ARHGAP17: variants seen among roughly 807,000 people sequenced by gnomAD.
The protein encoded by ARHGAP17 is rho GTPase-activating protein 17.
In ARHGAP17, 57 loss-of-function variants were observed where a neutral mutation model predicts 99.5. The observed-to-expected ratio is 0.57, with a 90% CI of 0.46 to 0.71. ARHGAP17 has a LOEUF of 0.71. ARHGAP17 is among the 30% of genes least tolerant of loss of function. ARHGAP17 has a pLI of 0.00. For synonymous variants in ARHGAP17, 417 were observed against 429.6 expected (o/e 0.97, Z 0.36); for missense variants, 1,000 against 1,122.4 (o/e 0.89, Z 1.56).
intron 2 of ARHGAP17, among the ~76,000 whole-genome samples, chr16:24,978,165 A>G (rs1377649468): frequency 6.6e-6 from 1 of 152,158 alleles, no homozygotes; most frequent in Non-Finnish European, 1.5e-5. Context: ...ATCCACATTC[A>G]TTTGCCACCA....
chr16:24,998,783 A>G (rs1007256983), intron 1 of ARHGAP17, among the ~76,000 whole-genome samples: 3 of 152,292 alleles, frequency 2.0e-5, no homozygotes, highest in East Asian at 1.9e-4. Context: ...GAATCAGGCT[A>G]TTATTCCGCA....
intron 1 of ARHGAP17, among the ~76,000 whole-genome samples, chr16:25,002,902 G>A (rs1286251490): frequency 6.6e-6 from 1 of 151,994 alleles, no homozygotes; most frequent in Non-Finnish European, 1.5e-5. Context: ...AGCCAGGTGT[G>A]GTGGTGGGCA....
chr16:24,984,998 T>C (rs2052815306), intron 1 of ARHGAP17, among the ~76,000 whole-genome samples: 1 of 152,180 alleles, frequency 6.6e-6, no homozygotes. Context: ...AAGGGTACTG[T>C]TACGAATTTG....
chr16:24,977,312 C>A lies in ARHGAP17; in HGVS notation c.101G>T (p.Arg34Ile). 3 of 1,582,376 alleles carry A rather than the reference C, an allele frequency of 1.9e-6. No homozygotes were observed. The highest frequency in any genetic ancestry group is 1.7e-6 in the Non-Finnish European group (2 of 1,157,588). Residue 34 changes from arginine (R) to isoleucine (I), a missense_variant, in exon 3 of 20, where the codon AGA becomes ATA. Arg to Ile is a moderately conservative substitution (Grantham distance 97). Around this residue, in one of 2 missense-constraint regions of ARHGAP17, gnomAD observed 472 missense variants for 611.1 expected, o/e 0.77. Coordinates refer to ENST00000289968, the MANE Select transcript of ARHGAP17 (RefSeq NM_001006634.3). Reference sequence around the variant, plus strand: ...TATTGACCGCACCGTGTCCAGGCGTCTCTCAATCTGACAAGGCAGAGACAA... The same window carrying A: ...TATTGACCGCACCGTGTCCAGGCGTATCTCAATCTGACAAGGCAGAGACAA... ...VLSEDLLQIE[R>I]RLDTVRSICH...
intron 19 of ARHGAP17, among the ~76,000 whole-genome samples, chr16:24,923,893 A>T (rs1369623637): frequency 6.6e-6 from 1 of 152,152 alleles, no homozygotes; most frequent in Admixed American, 6.5e-5. Context: ...AGAAGTGGGT[A>T]TTTAAGAGCT....
chr16:24,983,474 A>T (rs1009792425), intron 1 of ARHGAP17, among the ~76,000 whole-genome samples: 6 of 150,856 alleles, frequency 4.0e-5, no homozygotes, highest in Admixed American at 2.0e-4. Flanking sequence ...GGTAATTTTT[A>T]AAATTTTTTT....
chr16:24,964,287 G>A lies in ARHGAP17; in HGVS notation c.483C>T (p.Ser161=). The change falls in exon 7 of 20, where the codon TCC becomes TCT. Residue 161 remains serine (S), a synonymous_variant. Coordinates refer to ENST00000289968, the MANE Select transcript of ARHGAP17 (RefSeq NM_001006634.3). ...GAAGCCCCTGAAAGTTGGTTCCTGAGGATTTGTGAGCTTGGTTCCACCTGC... is the reference window on the plus strand; with the variant it reads ...GAAGCCCCTGAAAGTTGGTTCCTGAAGATTTGTGAGCTTGGTTCCACCTGC... ...VRARWNQAHK[S]SGTNFQGLPS... 6.2e-7 allele frequency: 1 copy of A among 1,613,662 alleles called. No individual in the cohort carries two copies. The highest frequency in any genetic ancestry group is 8.5e-7 in the Non-Finnish European group (1 of 1,179,814).
chr16:24,992,464 T>A (rs1302198148), intron 1 of ARHGAP17, among the ~76,000 whole-genome samples: 1 of 152,012 alleles, frequency 6.6e-6, no homozygotes, highest in African/African-American at 2.4e-5. Context: ...GCCTCCCGAG[T>A]AGCTGGGACT....
rs115932662 is a variant in ARHGAP17, at chr16:24,982,122, G to C, written c.54-3117C>G. Among the ~76,000 whole-genome samples, 1,127 of 151,672 alleles carry C rather than the reference G, an allele frequency of 7.4e-3. 17 individuals carry two copies. Among genetic ancestry groups the C allele is most frequent in the African/African-American group, 0.026 (1,056 of 41,252 alleles). On this transcript the variant is annotated intron_variant, in intron 1 of 19. Coordinates refer to ENST00000289968, the MANE Select transcript of ARHGAP17 (RefSeq NM_001006634.3). ...TTTTTTTTTTTAAATCAATTTTAGA[G>C]GTTGGGGGTGGTGGCTCACGCCTAT...
Position 24,943,835 on chromosome 16 carries a change from T to C in ARHGAP17, c.1269A>G (p.Thr423=), listed in dbSNP as rs2051386572. 6.2e-7 allele frequency: 1 copy of C among 1,614,076 alleles called. No homozygotes were observed. The highest frequency in any genetic ancestry group is 1.1e-5 in the South Asian group (1 of 91,084). The part of the protein sequence containing the change: ...EGTLAEMAAA[T]SVHVVAVIEP... ...CAATCACTGCAACCACATGGACGGA[T>C]GTGGCTGCTGCCATTTCAGCAAGTG... Residue 423 remains threonine (T), a synonymous_variant, in exon 15 of 20, where the codon ACA becomes ACG. Transcript: ENST00000289968.
chr16:24,931,459 C>T (rs571553872), intron 18 of ARHGAP17, 55 bp from the exon 19 acceptor site: 11 of 1,470,996 alleles, frequency 7.5e-6, no homozygotes, highest in African/African-American at 1.4e-5. Context: ...CAGCAACCAA[C>T]CCTGGCCAGG....
At chr16:24,959,203 T>C (rs1288217827) in intron 9 of ARHGAP17, among the ~76,000 whole-genome samples, 1 of 152,202 alleles carries the variant, frequency 6.6e-6, no homozygotes, top group Admixed American at 6.5e-5. Context: ...GTCTTAGGAT[T>C]CAATCACACT....
chr16:24,943,682 A>T, intron 15 of ARHGAP17, 89 bp downstream of exon 15: 8 of 1,126,516 alleles, frequency 7.1e-6, no homozygotes, highest in Non-Finnish European at 1.1e-5. Flanking sequence ...GTAATCATGA[A>T]GAAGGATTAC....
intron 16 of ARHGAP17, among the ~76,000 whole-genome samples, chr16:24,941,197 T>A (rs2051302744): frequency 6.6e-6 from 1 of 152,202 alleles, no homozygotes; most frequent in Admixed American, 6.5e-5. Flanking sequence ...GACTGAGCAA[T>A]TAAAATAAGA....
intron 16 of ARHGAP17, chr16:24,939,932 G>A (rs2051265672): frequency 6.0e-6 from 2 of 330,608 alleles, no homozygotes; most frequent in Non-Finnish European, 1.2e-5. Flanking sequence ...CTTTAGACAT[G>A]TGGTCTCACT....
rs1313650368 is a variant in ARHGAP17 at position 24,970,497 on chromosome 16, C to A, written c.272+10G>T. 2.5e-6 allele frequency: 4 copies of A among 1,613,772 alleles called. No individual in the cohort carries two copies. The South Asian group carries it at 4.4e-5, about 18-fold the overall frequency. On this transcript the variant is annotated intron_variant, in intron 4 of 19. Coordinates refer to ENST00000289968, the MANE Select transcript of ARHGAP17 (RefSeq NM_001006634.3). ...ATGGCACTTGGCACTCTGAAGGCAGCAACTCTTACCCCAGGAGAGAGTCTT... is the reference window on the plus strand; with the variant it reads ...ATGGCACTTGGCACTCTGAAGGCAGAAACTCTTACCCCAGGAGAGAGTCTT...
At chr16:24,924,755 C>T (rs1381313236) in intron 19 of ARHGAP17, among the ~76,000 whole-genome samples, 1 of 151,860 alleles carries the variant, frequency 6.6e-6, no homozygotes, top group African/African-American at 2.4e-5. Flanking sequence ...CCCAGCTACT[C>T]AGGAGGCTGA....
At chr16:24,942,691 C>A (rs1201757016) in intron 15 of ARHGAP17, among the ~76,000 whole-genome samples, 1 of 150,366 alleles carries the variant, frequency 6.7e-6, no homozygotes, top group Non-Finnish European at 1.5e-5. Context: ...TCGCTTGAAC[C>A]TGGGAGGCAG....
At chr16:24,971,829 C>G (rs1231651211) in intron 3 of ARHGAP17, among the ~76,000 whole-genome samples, 1 of 152,126 alleles carries the variant, frequency 6.6e-6, no homozygotes, top group Admixed American at 6.5e-5. Context: ...GAACCCAAAG[C>G]CGAAGGAGGT....
Sources: allele counts gnomAD v4.1 joint callset (sites outside exome capture counted in the v4.1 genomes callset), GRCh38; gene constraint gnomAD v4.1.1; regional missense constraint gnomAD v4.1.1; transcripts MANE v1.5; gene names NCBI Gene and HGNC (gene_info 2026-07-23, HGNC 2026-07-21).